Variants in CLIC5 observed in about 807,000 individuals in gnomAD.
CLIC5 encodes the protein chloride intracellular channel protein 5.
Under a neutral mutation model 24.7 loss-of-function variants are expected in CLIC5, and 20 were observed. The ratio of observed to expected loss-of-function variants is 0.81; its 90% confidence interval spans 0.57 to 1.18. The LOEUF (loss-of-function observed/expected upper bound fraction) is 1.18. Among genes scored for constraint, CLIC5 ranks in the 50% most tolerant of loss-of-function variants. The probability of loss-of-function intolerance (pLI) is 0.00; values close to 1 mark genes in which losing one functional copy is unlikely to be tolerated. For synonymous variants in CLIC5, 159 were observed against 135.6 expected (o/e 1.17, Z -1.20); for missense variants, 341 against 326.1 (o/e 1.05, Z -0.35).
rs373795478 is a variant in CLIC5, at chr6:45,908,904, C to T, written c.588+5324G>A. Among the ~76,000 whole-genome samples, 14 of 152,180 alleles carry T rather than the reference C, an allele frequency of 9.2e-5. No homozygotes were observed. The East Asian group carries it at 2.5e-3, about 27-fold the overall frequency. ...CCCCCATTATTATTGTGTGTTGTTG[C>T]TAAGTCTTTTCATAGGTCTAGAAGT... On this transcript the variant is annotated intron_variant, in intron 5 of 5. Transcript: ENST00000339561.
chr6:46,049,829 G>C (rs1311307169), intron 1 of CLIC5, among the ~76,000 whole-genome samples: 2 of 152,192 alleles, frequency 1.3e-5, no homozygotes, highest in Non-Finnish European at 2.9e-5. Flanking sequence ...GTAAGTTATA[G>C]TTAATTGTTT....
chr6:45,987,475 G>C (rs1765782063), intron 1 of CLIC5, among the ~76,000 whole-genome samples: 1 of 152,240 alleles, frequency 6.6e-6, no homozygotes, highest in South Asian at 2.1e-4. Flanking sequence ...GGGTTGACCT[G>C]TGAGGGAACT....
At chr6:46,122,608 C>CA in the CLIC5 span, among the ~76,000 whole-genome samples, 4 of 151,898 alleles carry the variant, frequency 2.6e-5, no homozygotes, top group African/African-American at 4.8e-5. Flanking sequence ...GATAGAGACA[C>CA]AAAAAACCCT....
At chr6:46,084,920 G>A (rs904174369), upstream of CLIC5, among the ~76,000 whole-genome samples, 16 of 152,306 alleles carry the variant, frequency 1.1e-4, no homozygotes, top group African/African-American at 3.8e-4. Flanking sequence ...CCAATCAGAT[G>A]CAGATTTGGT....
chr6:45,925,703 G>A (rs1370535802), intron 4 of CLIC5, among the ~76,000 whole-genome samples: 3 of 152,212 alleles, frequency 2.0e-5, no homozygotes, highest in Non-Finnish European at 4.4e-5. Context: ...AGTGGGGTTT[G>A]AGGAAAGATG....
intron 1 of CLIC5, among the ~76,000 whole-genome samples, chr6:46,033,601 G>A (rs1476826284): frequency 1.3e-5 from 2 of 152,168 alleles, no homozygotes; most frequent in African/African-American, 4.8e-5. Flanking sequence ...CCCACACATG[G>A]GAAGACCTGC....
intron 1 of CLIC5, among the ~76,000 whole-genome samples, chr6:45,990,916 A>G (rs1013641950): frequency 1.3e-5 from 2 of 151,988 alleles, no homozygotes; most frequent in African/African-American, 4.8e-5. Context: ...GATCTCTGAA[A>G]CTCAGGTTCC....
At chr6:45,995,037 T>C (rs900993718) in intron 1 of CLIC5, among the ~76,000 whole-genome samples, 2 of 152,072 alleles carry the variant, frequency 1.3e-5, no homozygotes, top group Non-Finnish European at 2.9e-5. Context: ...GAAGAAAGAA[T>C]TAAAGAAAGA....
At chr6:46,041,033 A>C (rs554892689) in intron 1 of CLIC5, among the ~76,000 whole-genome samples, 1 of 152,362 alleles carries the variant, frequency 6.6e-6, no homozygotes, top group South Asian at 2.1e-4. Context: ...CAAAAGCCTC[A>C]GCAATAGGGA....
intron 1 of CLIC5, among the ~76,000 whole-genome samples, chr6:45,978,615 G>A (rs1056630415): frequency 6.6e-6 from 1 of 152,196 alleles, no homozygotes; most frequent in African/African-American, 2.4e-5. Flanking sequence ...GAGGCTTCTA[G>A]TGTAGGGTCC....
chr6:45,948,449 C>T (rs1259266312), intron 3 of CLIC5, among the ~76,000 whole-genome samples: 1 of 152,204 alleles, frequency 6.6e-6, no homozygotes, highest in African/African-American at 2.4e-5. Flanking sequence ...ACGGACTCCC[C>T]ACCTCCTGTG....
At chr6:45,930,341 G>T (rs895532750) in intron 4 of CLIC5, among the ~76,000 whole-genome samples, 4 of 152,206 alleles carry the variant, frequency 2.6e-5, no homozygotes, top group African/African-American at 9.6e-5. Flanking sequence ...AGAGGAAAGG[G>T]AGAAAGAAGC....
Position 45,898,773 on chromosome 6 carries a change from G to T in CLIC5, c.*4315C>A, listed in dbSNP as rs1001948847. Reference sequence around the variant, plus strand: ...ATAGGACAACGAGGTGGCCAGGAAAGTAAGACAAATTCAAACATCAGCTGG... The same window carrying T: ...ATAGGACAACGAGGTGGCCAGGAAATTAAGACAAATTCAAACATCAGCTGG... On this transcript the variant is annotated 3_prime_UTR_variant, in exon 6 of 6. Coordinates refer to ENST00000339561, the MANE Select transcript of CLIC5 (RefSeq NM_016929.5). 8 of 152,614 alleles carry T rather than the reference G, an allele frequency of 5.2e-5. No individual in the cohort carries two copies. The highest frequency in any genetic ancestry group is 1.0e-4 in the Non-Finnish European group (7 of 68,036). 9.5% of individuals were successfully genotyped at this position (152,614 alleles called of 1,614,324 possible).
intron 3 of CLIC5, among the ~76,000 whole-genome samples, chr6:45,947,422 G>T (rs1764324740): frequency 6.6e-6 from 1 of 151,400 alleles, no homozygotes; most frequent in East Asian, 1.9e-4. Flanking sequence ...GAAGGGACTG[G>T]CTCAAGAGGT....
At chr6:46,097,660 A>C in the CLIC5 span, among the ~76,000 whole-genome samples, 1 of 152,204 alleles carries the variant, frequency 6.6e-6, no homozygotes, top group Non-Finnish European at 1.5e-5. Context: ...ATACTCCAAG[A>C]CTTGAATTTC....
chr6:46,020,572 T>C (rs965027814), upstream of CLIC5, among the ~76,000 whole-genome samples: 7 of 151,422 alleles, frequency 4.6e-5, no homozygotes, highest in South Asian at 2.1e-4. Flanking sequence ...AAATAATAAA[T>C]ATAAAAACAG....
intron 1 of CLIC5, among the ~76,000 whole-genome samples, chr6:45,968,372 A>G (rs1420928875): frequency 2.0e-5 from 3 of 152,164 alleles, no homozygotes; most frequent in Non-Finnish European, 4.4e-5. Context: ...ATGAAGCTTC[A>G]ATAGTGGGGT....
At chr6:46,067,499 T>A (rs1208228655) in intron 1 of CLIC5, among the ~76,000 whole-genome samples, 1 of 152,128 alleles carries the variant, frequency 6.6e-6, no homozygotes, top group Non-Finnish European at 1.5e-5. Context: ...GTTCAGTAAA[T>A]CATATTAATG....
intron 3 of CLIC5, among the ~76,000 whole-genome samples, chr6:45,944,372 C>T (rs1224801170): frequency 1.3e-5 from 2 of 151,954 alleles, no homozygotes; most frequent in South Asian, 2.1e-4. Context: ...GGAATTGTGA[C>T]AGACACTGAA....
Sources: gnomAD v4.1 joint callset for allele counts (sites outside exome capture counted in the v4.1 genomes callset) on GRCh38, gnomAD v4.1.1 for gene constraint, MANE v1.5 for transcripts, NCBI Gene and HGNC (gene_info 2026-07-23, HGNC 2026-07-21) for gene names.